SLC44A5: variants seen among roughly 807,000 people sequenced by gnomAD.
SLC44A5 encodes the protein choline transporter-like protein 5.
In SLC44A5, 57 loss-of-function variants were observed where a neutral mutation model predicts 101.8. The ratio of observed to expected loss-of-function variants is 0.56; its 90% CI spans 0.45 to 0.70. The LOEUF (loss-of-function observed/expected upper bound fraction) is 0.70. SLC44A5 is among the 30% of genes least tolerant of loss of function. The pLI, the probability that SLC44A5 is intolerant of heterozygous loss-of-function variation, is 0.00. For synonymous variants in SLC44A5, 281 were observed against 290.9 expected (o/e 0.97, Z 0.35); for missense variants, 737 against 853.1 (o/e 0.86, Z 1.70).
chr1:75,252,958 A>G (rs915720185), intron 6 of SLC44A5, among the ~76,000 whole-genome samples: 1 of 152,154 alleles, frequency 6.6e-6, no homozygotes, highest in Admixed American at 6.6e-5. Context: ...AGAACTATTC[A>G]GTGAGGACTC....
chr1:75,707,127 G>T, the SLC44A5 span, among the ~76,000 whole-genome samples: 1 of 152,144 alleles, frequency 6.6e-6, no homozygotes, highest in Non-Finnish European at 1.5e-5. Context: ...AGAATAATAT[G>T]TATATAATAA....
chr1:75,394,418 G>C (rs1334640840), intron 3 of SLC44A5, among the ~76,000 whole-genome samples: 1 of 152,148 alleles, frequency 6.6e-6, no homozygotes, highest in Admixed American at 6.5e-5. Flanking sequence ...TGATGAAAGG[G>C]TTAATTGATC....
chr1:75,697,794 T>A, the SLC44A5 span, among the ~76,000 whole-genome samples: 1 of 152,142 alleles, frequency 6.6e-6, no homozygotes, highest in Admixed American at 6.6e-5. Flanking sequence ...AGTGGGTGCA[T>A]GCACCGTGCG....
intron 1 of SLC44A5, among the ~76,000 whole-genome samples, chr1:75,567,418 A>T (rs1345367547): frequency 6.6e-6 from 1 of 152,210 alleles, no homozygotes; most frequent in African/African-American, 2.4e-5. Flanking sequence ...GAGCAATGAC[A>T]TCATTGTTAA....
chr1:75,434,966 A>C (rs191404120), intron 2 of SLC44A5, among the ~76,000 whole-genome samples: 23 of 152,236 alleles, frequency 1.5e-4, no homozygotes, highest in Non-Finnish European at 2.8e-4. Flanking sequence ...TTAGGTATGG[A>C]TACGTGTTTC....
intron 2 of SLC44A5, among the ~76,000 whole-genome samples, chr1:75,464,982 A>G (rs1666735542): frequency 1.3e-5 from 2 of 152,180 alleles, no homozygotes; most frequent in South Asian, 4.1e-4. Context: ...CAGATATTCT[A>G]GACAGAAAAT....
upstream of SLC44A5, chr1:75,615,719 T>A: frequency 2.4e-6 from 1 of 423,590 alleles, no homozygotes; most frequent in Non-Finnish European, 3.2e-6. Flanking sequence ...CCCCACCCCC[T>A]CCCCGGACAC....
intron 3 of SLC44A5, among the ~76,000 whole-genome samples, chr1:75,392,601 T>C (rs1056198757): frequency 1.3e-5 from 2 of 152,182 alleles, no homozygotes; most frequent in Non-Finnish European, 2.9e-5. Context: ...TGGAGATTTC[T>C]CAAAGAAGCA....
At chr1:75,480,323 T>C (rs1173938439) in intron 2 of SLC44A5, among the ~76,000 whole-genome samples, 2 of 152,150 alleles carry the variant, frequency 1.3e-5, no homozygotes, top group Non-Finnish European at 2.9e-5. Flanking sequence ...ACTGGAAGCA[T>C]TCCCTTTGAA....
intron 3 of SLC44A5, among the ~76,000 whole-genome samples, chr1:75,350,633 G>A (rs941924326): frequency 4.6e-5 from 7 of 151,526 alleles, no homozygotes; most frequent in African/African-American, 1.5e-4. Context: ...GGTGGCTCAC[G>A]CCTGTAATCC....
At chr1:75,306,511 C>T (rs1654907751) in intron 4 of SLC44A5, among the ~76,000 whole-genome samples, 1 of 151,898 alleles carries the variant, frequency 6.6e-6, no homozygotes, top group South Asian at 2.1e-4. Context: ...AACATGCTAT[C>T]TGGACATTGC....
intron 2 of SLC44A5, among the ~76,000 whole-genome samples, chr1:75,537,561 A>T (rs1156581262): frequency 1.3e-5 from 2 of 152,260 alleles, no homozygotes; most frequent in Non-Finnish European, 2.9e-5. Context: ...GAACAGGCAG[A>T]AACAGCCTAT....
At chr1:75,600,458 T>C (rs1264245907) in intron 1 of SLC44A5, among the ~76,000 whole-genome samples, 1 of 152,206 alleles carries the variant, frequency 6.6e-6, no homozygotes, top group Non-Finnish European at 1.5e-5. Flanking sequence ...TCATTAGTTT[T>C]ATAATTTTGA....
the SLC44A5 span, among the ~76,000 whole-genome samples, chr1:75,621,873 T>A: frequency 6.6e-6 from 1 of 152,100 alleles, no homozygotes; most frequent in Non-Finnish European, 1.5e-5. Context: ...TTTTAAAAAA[T>A]TTGTTTCTGG....
intron 4 of SLC44A5, among the ~76,000 whole-genome samples, chr1:75,315,826 T>C (rs1655644917): frequency 6.6e-6 from 1 of 152,160 alleles, no homozygotes; most frequent in Admixed American, 6.6e-5. Flanking sequence ...TGCCCGCCGC[T>C]CACTCTTTCA....
chr1:75,544,504 C>T (rs988743594), intron 1 of SLC44A5, among the ~76,000 whole-genome samples: 7 of 147,542 alleles, frequency 4.7e-5, no homozygotes, highest in African/African-American at 1.5e-4. Flanking sequence ...TGTGCATGTG[C>T]ACACACACAC....
At chr1:75,322,226 G>C (rs61798672) in intron 4 of SLC44A5, among the ~76,000 whole-genome samples, 1 of 152,050 alleles carries the variant, frequency 6.6e-6, no homozygotes, top group Admixed American at 6.6e-5. Flanking sequence ...GCAGGAGAAT[G>C]GCTTGAACCC....
intron 2 of SLC44A5, among the ~76,000 whole-genome samples, chr1:75,437,243 A>T (rs1664943180): frequency 6.6e-6 from 1 of 152,174 alleles, no homozygotes; most frequent in Admixed American, 6.6e-5. Flanking sequence ...CTATATTTTT[A>T]TACAGCTGAC....
chr1:75,271,409 G>C (rs1250563823), intron 6 of SLC44A5, among the ~76,000 whole-genome samples: 1 of 151,606 alleles, frequency 6.6e-6, no homozygotes, highest in Non-Finnish European at 1.5e-5. Flanking sequence ...AGTATATACT[G>C]TATGCAATGT....
Sources: allele counts gnomAD v4.1 joint callset (sites outside exome capture counted in the v4.1 genomes callset), GRCh38; gene constraint gnomAD v4.1.1; transcripts MANE v1.5; gene names NCBI Gene and HGNC (gene_info 2026-07-23, HGNC 2026-07-21).